The following TARS3 variants were observed in gnomAD, a reference collection of about 807,000 sequenced individuals.
TARS3 encodes the protein threonine--tRNA ligase 2, cytoplasmic.
A neutral mutation model predicts 103.5 loss-of-function variants in TARS3; 94 were observed. The ratio of observed to expected loss-of-function variants is 0.91; its 90% CI spans 0.77 to 1.08. The LOEUF (loss-of-function observed/expected upper bound fraction) is 1.08. Among genes scored for constraint, TARS3 ranks in the 50% least tolerant of loss-of-function variants. The pLI is 0.00. For missense variants in TARS3, 952 were observed against 995.2 expected (o/e 0.96, Z 0.58); for synonymous variants, 416 against 355.4 (o/e 1.17, Z -1.92).
At chr15:101,692,665 C>T (rs1898778296) in intron 10 of TARS3, among the ~76,000 whole-genome samples, 1 of 152,120 alleles carries the variant, frequency 6.6e-6, no homozygotes, top group Non-Finnish European at 1.5e-5. Context: ...TCTAGTATTA[C>T]TACTCCATCT....
At chr15:101,669,848 CA>C (rs1267890391) in intron 15 of TARS3, among the ~76,000 whole-genome samples, 1 of 152,192 alleles carries the variant, frequency 6.6e-6, no homozygotes, top group Non-Finnish European at 1.5e-5. Flanking sequence ...TCCCATAGAA[CA>C]GAATTTATAA....
intron 15 of TARS3, chr15:101,664,363 T>A (rs750279766): frequency 2.6e-5 from 4 of 152,228 alleles, no homozygotes; most frequent in Non-Finnish European, 4.4e-5. Context: ...TCTCTAATAG[T>A]TCTGACCCTT....
chr15:101,671,450 T>C (rs1897799373), intron 15 of TARS3, 36 bp downstream of exon 15: 2 of 1,477,054 alleles, frequency 1.4e-6, no homozygotes, highest in Admixed American at 1.8e-5. Context: ...AATTAGAATA[T>C]TAGTACTATA....
At position 101,657,030 on chromosome 15, in the gene TARS3, T is replaced by C. The variant is rs148414905; in HGVS notation, c.2152A>G (p.Ser718Gly). ...TCEKYALQVSSEFFEEGFMAD... is the reference protein window; with the variant it reads ...TCEKYALQVSGEFFEEGFMAD... ...ATAAATCCTTCTTCAAAAAATTCAC[T>C]GGATACCTAGAAGAAAATGAAACAC... The change falls in exon 18 of 19, where the codon AGT becomes GGT. Residue 718 changes from serine to glycine, a missense_variant. This residue lies in a region of TARS3 where 540 missense variants were observed against 631.0 expected (regional missense o/e 0.86). Coordinates refer to ENST00000335968, the MANE Select transcript of TARS3 (RefSeq NM_152334.3). 3.8e-5 allele frequency: 61 copies of C among 1,607,038 alleles called. No homozygotes were observed. In the African/African-American group the frequency reaches 7.6e-4, roughly 20 times the overall value.
At chr15:101,675,992 G>GGGGCT (rs1898010103) in intron 12 of TARS3, among the ~76,000 whole-genome samples, 1 of 152,192 alleles carries the variant, frequency 6.6e-6, no homozygotes, top group African/African-American at 2.4e-5. Context: ...GCGGCACGGA[G>GGGGCT]GGGCTGCCCA....
intron 5 of TARS3, among the ~76,000 whole-genome samples, chr15:101,711,062 C>T (rs183127301): frequency 6.6e-6 from 1 of 152,076 alleles, no homozygotes; most frequent in African/African-American, 2.4e-5. Context: ...CATCCCTGTC[C>T]GGCACTCAAC....
At chr15:101,688,698 T>C (rs1195000535) in intron 10 of TARS3, among the ~76,000 whole-genome samples, 1 of 151,804 alleles carries the variant, frequency 6.6e-6, no homozygotes, top group East Asian at 1.9e-4. Context: ...ACAAAGAAAA[T>C]AGGAGAGAAG....
intron 10 of TARS3, among the ~76,000 whole-genome samples, chr15:101,697,922 T>C (rs912548636): frequency 1.3e-5 from 2 of 152,336 alleles, no homozygotes; most frequent in Non-Finnish European, 2.9e-5. Context: ...GATAAATTTA[T>C]AGAAAAGGAC....
At chr15:101,707,030 C>G (rs1899601127) in intron 6 of TARS3, among the ~76,000 whole-genome samples, 1 of 152,124 alleles carries the variant, frequency 6.6e-6, no homozygotes, top group African/African-American at 2.4e-5. Context: ...GACATTTCTC[C>G]AAAGACATTT....
chr15:101,709,543 C>T (rs1453966897), intron 5 of TARS3, among the ~76,000 whole-genome samples: 1 of 152,246 alleles, frequency 6.6e-6, no homozygotes, highest in Admixed American at 6.5e-5. Context: ...CTCCCTCCCT[C>T]CACTCCGGTC....
intron 4 of TARS3, among the ~76,000 whole-genome samples, chr15:101,714,136 A>G (rs988752061): frequency 1.3e-5 from 2 of 152,220 alleles, no homozygotes; most frequent in African/African-American, 4.8e-5. Context: ...TATTTATTTT[A>G]TAGAAAATTA....
At chr15:101,701,757 A>G (rs1365669410) in intron 9 of TARS3, among the ~76,000 whole-genome samples, 2 of 152,110 alleles carry the variant, frequency 1.3e-5, no homozygotes, top group Non-Finnish European at 2.9e-5. Flanking sequence ...GATGCTATAA[A>G]GTGCACAGAA....
At chr15:101,661,491 G>C (rs920968744) in intron 16 of TARS3, among the ~76,000 whole-genome samples, 1 of 151,700 alleles carries the variant, frequency 6.6e-6, no homozygotes, top group Non-Finnish European at 1.5e-5. Context: ...CTCTCCCTTA[G>C]TTTTTATTTT....
chr15:101,673,758 C>G (rs1045405400), intron 13 of TARS3, among the ~76,000 whole-genome samples: 1 of 152,148 alleles, frequency 6.6e-6, no homozygotes, highest in Non-Finnish European at 1.5e-5. Context: ...GGAAGAAGAG[C>G]TTAGGATGGG....
intron 7 of TARS3, 66 bp downstream of exon 7, chr15:101,705,617 T>G (rs527501669): frequency 1.5e-6 from 2 of 1,367,418 alleles, no homozygotes; most frequent in South Asian, 2.5e-5. Context: ...GAAAACAAAC[T>G]CGGCCTCTAC....
intron 15 of TARS3, among the ~76,000 whole-genome samples, chr15:101,667,189 A>G (rs1379404416): frequency 1.3e-5 from 2 of 152,172 alleles, no homozygotes; most frequent in African/African-American, 2.4e-5. Context: ...ATCATGCTGT[A>G]AACAGACGTG....
At position 101,691,269 on chromosome 15, in the gene TARS3, A is replaced by G. The variant is rs531089340; in HGVS notation, c.1321-5207T>C. 2.6e-5 allele frequency among the ~76,000 whole-genome samples: 3 copies of G among 117,232 alleles called. No individual in the cohort carries two copies. In the East Asian group the frequency reaches 1.1e-3, roughly 45 times the overall value. 76.9% of individuals were successfully genotyped at this position (117,232 alleles called of 152,430 possible). On this transcript the variant is annotated intron_variant, in intron 10 of 18. Transcript: ENST00000335968. The stretch of plus-strand genomic sequence containing the variant: ...GTATCAGTCTTAGAACTATTACCTC[A>G]GTATTTATATATATATATATATATT...
intron 10 of TARS3, among the ~76,000 whole-genome samples, chr15:101,698,119 G>T (rs1257627082): frequency 6.6e-6 from 1 of 152,118 alleles, no homozygotes; most frequent in South Asian, 2.1e-4. Flanking sequence ...GGCGGATCAC[G>T]AAGTCAGGAG....
At chr15:101,705,259 A>G (rs538384581) in intron 7 of TARS3, among the ~76,000 whole-genome samples, 1 of 152,318 alleles carries the variant, frequency 6.6e-6, no homozygotes, top group African/African-American at 2.4e-5. Flanking sequence ...TAATGCATGA[A>G]GACTGTACAC....
Sources: allele counts gnomAD v4.1 joint callset (sites outside exome capture counted in the v4.1 genomes callset), GRCh38; gene constraint gnomAD v4.1.1; regional missense constraint gnomAD v4.1.1; transcripts MANE v1.5; gene names NCBI Gene and HGNC (gene_info 2026-07-23, HGNC 2026-07-21).